DHX35: variants seen among roughly 807,000 people sequenced by gnomAD.
DHX35 encodes probable ATP-dependent RNA helicase DHX35.
Under a neutral mutation model 99.6 loss-of-function variants are expected in DHX35, and 84 were observed. The ratio of observed to expected loss-of-function variants is 0.84; its 90% CI spans 0.71 to 1.01. The LOEUF (loss-of-function observed/expected upper bound fraction) is 1.01, where lower values mean the gene tolerates loss of function less well. Among genes scored for constraint, DHX35 ranks in the 50% least tolerant of loss-of-function variants. The pLI is 0.00. For synonymous variants in DHX35, 331 were observed against 316.2 expected (o/e 1.05, Z -0.50); for missense variants, 852 against 888.5 (o/e 0.96, Z 0.52).
intron 21 of DHX35, among the ~76,000 whole-genome samples, chr20:39,035,590 G>A (rs2087137670): frequency 6.6e-6 from 1 of 152,268 alleles, no homozygotes; most frequent in African/African-American, 2.4e-5. Context: ...ATGAATTTCT[G>A]GTTTCTCTTG....
rs140950782 is a variant in DHX35 at position 39,028,486 on chromosome 20, A to G, written c.1870A>G (p.Thr624Ala). The G allele has an allele frequency of 2.0e-5, 33 of 1,614,006 alleles. No individual in the cohort carries two copies. In the African/African-American group the frequency reaches 2.7e-4, roughly 13 times the overall value. The change falls in exon 19 of 22, where the codon ACT becomes GCT. Residue 624 changes from threonine to alanine, a missense_variant. By Grantham distance (58) the Thr-to-Ala change is moderately conservative. Transcript: ENST00000252011. ...CGCCAATGCAGCGAGGTTTCATTCT[A>G]CTGGAGCTTATAGGTAACATGATAC... ...FFANAARFHS[T>A]GAYRTIRDDH...
rs555038036 is a variant in DHX35 at position 38,988,899 on chromosome 20, G to T, written c.432G>T (p.Gln144His). ...TCCGCTTTGATGACTGCACCGACCAGCTGGCCACGAGAATTAAGGTAAAGT... is the reference window on the plus strand; with the variant it reads ...TCCGCTTTGATGACTGCACCGACCATCTGGCCACGAGAATTAAGGTAAAGT... ...YCIRFDDCTD[Q>H]LATRIKFLTD... is the part of the protein sequence containing the mutation. The change falls in exon 5 of 22, where the codon CAG becomes CAT. Residue 144 changes from glutamine to histidine, a missense_variant. Transcript: ENST00000252011. 14 of 1,613,044 alleles carry T rather than the reference G, an allele frequency of 8.7e-6. No homozygotes were observed. The South Asian group carries it at 1.4e-4, about 16-fold the overall frequency.
intron 8 of DHX35, 29 bp downstream of exon 8, chr20:38,994,909 C>T (rs1167072577): frequency 2.1e-5 from 34 of 1,606,468 alleles, no homozygotes; most frequent in Non-Finnish European, 2.9e-5. Flanking sequence ...CTTTCCTCCT[C>T]TCCTCACAAA....
chr20:39,011,298 A>C (rs2086699196), intron 13 of DHX35, among the ~76,000 whole-genome samples: 1 of 151,510 alleles, frequency 6.6e-6, no homozygotes, highest in Non-Finnish European at 1.5e-5. Flanking sequence ...TATTCACAGT[A>C]ATCTATTTTT....
intron 6 of DHX35, 111 bp downstream of exon 6, chr20:38,991,626 G>A: frequency 1.1e-6 from 1 of 900,656 alleles, no homozygotes; most frequent in East Asian, 2.7e-5. Context: ...CTGCCCCAAA[G>A]CTTTTCTCTT....
At chr20:39,026,679 T>G (rs1275012018) in intron 18 of DHX35, among the ~76,000 whole-genome samples, 1 of 152,060 alleles carries the variant, frequency 6.6e-6, no homozygotes, top group African/African-American at 2.4e-5. Flanking sequence ...CAAAGAGCAC[T>G]CTAGGGAAGG....
chr20:38,985,231 T>A (rs900474635), intron 4 of DHX35, among the ~76,000 whole-genome samples: 8 of 152,060 alleles, frequency 5.3e-5, no homozygotes, highest in Non-Finnish European at 1.0e-4. Flanking sequence ...AAACAATTTT[T>A]AAAAAAATTA....
intron 1 of DHX35, among the ~76,000 whole-genome samples, chr20:38,963,898 G>C (rs2085871931): frequency 6.6e-6 from 1 of 152,194 alleles, no homozygotes; most frequent in Admixed American, 6.5e-5. Flanking sequence ...ATGAGCTCTA[G>C]AGTCAGACTG....
At chr20:38,999,613 TCCAA>T (rs533903913) in intron 8 of DHX35, among the ~76,000 whole-genome samples, 70 of 152,334 alleles carry the variant, frequency 4.6e-4, no homozygotes, top group African/African-American at 1.7e-3. Flanking sequence ...TAGCCTTCTT[TCCAA>T]TGTGCACGTG....
At chr20:38,962,652 C>T (rs949471508) in intron 1 of DHX35, 2 of 530,954 alleles carry the variant, frequency 3.8e-6, no homozygotes, top group African/African-American at 2.0e-5. Context: ...CCTCCTCAGG[C>T]CTCGTCTTCC....
chr20:39,033,859 G>A (rs901621328), intron 20 of DHX35, among the ~76,000 whole-genome samples: 1 of 152,124 alleles, frequency 6.6e-6, no homozygotes, highest in Non-Finnish European at 1.5e-5. Flanking sequence ...GCCTCTTTCA[G>A]AATCAGGCAA....
chr20:39,033,341 A>C (rs2087090607), intron 20 of DHX35, among the ~76,000 whole-genome samples: 1 of 152,100 alleles, frequency 6.6e-6, no homozygotes, highest in South Asian at 2.1e-4. Context: ...TAAAGGAGAA[A>C]GGCTTTTCTT....
At chr20:39,010,505 T>C in intron 13 of DHX35, 101 bp downstream of exon 13, 2 of 1,485,340 alleles carry the variant, frequency 1.3e-6, no homozygotes, top group Non-Finnish European at 1.8e-6. Flanking sequence ...TTTTTTTCCC[T>C]ACTCAGGTCA....
intron 13 of DHX35, 128 bp from the exon 14 acceptor site, chr20:39,014,752 C>T: frequency 8.6e-7 from 1 of 1,167,982 alleles, no homozygotes; most frequent in Non-Finnish European, 1.3e-6. Context: ...ACAGCAAGAA[C>T]AGAAACATGG....
chr20:38,967,685 C>T (rs1169766658), intron 1 of DHX35, among the ~76,000 whole-genome samples: 1 of 152,188 alleles, frequency 6.6e-6, no homozygotes, highest in Non-Finnish European at 1.5e-5. Context: ...TATTCTTCAC[C>T]ATCATGATCA....
intron 1 of DHX35, among the ~76,000 whole-genome samples, chr20:38,966,311 TTTGG>T (rs1472888262): frequency 1.3e-5 from 2 of 152,184 alleles, no homozygotes; most frequent in African/African-American, 4.8e-5. Flanking sequence ...GATGTTCTGG[TTTGG>T]TTGAAGGAAG....
intron 11 of DHX35, among the ~76,000 whole-genome samples, chr20:39,005,826 A>T (rs559691813): frequency 1.4e-4 from 22 of 152,294 alleles, no homozygotes; most frequent in Middle Eastern, 3.4e-3. Flanking sequence ...GGGAAAAACT[A>T]ACAAATGCTA....
intron 18 of DHX35, 110 bp downstream of exon 18, chr20:39,025,469 C>T: frequency 1.5e-6 from 2 of 1,297,320 alleles, no homozygotes; most frequent in Non-Finnish European, 2.1e-6. Flanking sequence ...TGCTCTGTAC[C>T]AACACTGGGT....
intron 8 of DHX35, among the ~76,000 whole-genome samples, chr20:38,997,899 C>T (rs2086456472): frequency 6.6e-6 from 1 of 152,206 alleles, no homozygotes; most frequent in Admixed American, 6.5e-5. Flanking sequence ...AACTCATCCC[C>T]TGCCCCCCAG....
Sources: allele counts gnomAD v4.1 joint callset (sites outside exome capture counted in the v4.1 genomes callset), GRCh38; gene constraint gnomAD v4.1.1; transcripts MANE v1.5; gene names NCBI Gene and HGNC (gene_info 2026-07-23, HGNC 2026-07-21).